The following NEK8 variants were observed in gnomAD, a reference collection of about 807,000 sequenced individuals.
NEK8 encodes the protein serine/threonine-protein kinase Nek8.
A neutral mutation model predicts 77.2 loss-of-function variants in NEK8; 51 were observed. The ratio of observed to expected loss-of-function variants is 0.66; its 90% confidence interval spans 0.53 to 0.83. The LOEUF (loss-of-function observed/expected upper bound fraction) is 0.83, where lower values mean the gene tolerates loss of function less well. Among genes scored for constraint, NEK8 ranks in the 40% least tolerant of loss-of-function variants. The pLI, the probability that NEK8 is intolerant of heterozygous loss-of-function variation, is 0.00. For synonymous variants in NEK8, 365 were observed against 363.2 expected (o/e 1.00, Z -0.06); for missense variants, 787 against 909.2 (o/e 0.87, Z 1.73).
At chr17:28,738,301 C>T (rs1230992688) in intron 8 of NEK8, 56 bp downstream of exon 8, 9 of 1,600,102 alleles carry the variant, frequency 5.6e-6, no homozygotes, top group Non-Finnish European at 7.7e-6. Flanking sequence ...AGAGCACCTT[C>T]TCTCTTCTCT....
intron 8 of NEK8, 138 bp downstream of exon 8, chr17:28,738,383 G>A: frequency 8.8e-7 from 1 of 1,134,246 alleles, no homozygotes; most frequent in Non-Finnish European, 1.3e-6. Context: ...AGTAACTATT[G>A]AGGAGATTTC....
chr17:28,733,815 G>A (rs1395983800), intron 1 of NEK8, among the ~76,000 whole-genome samples, 168 bp from the exon 2 acceptor site: 2 of 152,242 alleles, frequency 1.3e-5, no homozygotes, highest in African/African-American at 4.8e-5. Context: ...CACACAGCTT[G>A]TAATCAGTTC....
intron 1 of NEK8, among the ~76,000 whole-genome samples, chr17:28,730,466 G>T (rs2034296205): frequency 6.6e-6 from 1 of 152,038 alleles, no homozygotes; most frequent in African/African-American, 2.4e-5. Context: ...TAGAGACAGG[G>T]TTTCACCATG....
At position 28,742,204 on chromosome 17, in the gene NEK8, T is replaced by G. The variant is rs902731432; in HGVS notation, c.*217T>G. The G allele has an allele frequency of 1.5e-6, 1 of 649,182 alleles. No homozygotes were observed. The highest frequency in any genetic ancestry group is 2.8e-6 in the Non-Finnish European group (1 of 356,120). The allele number at this position is 649,182 out of a possible 1,614,324, so 40.2% of individuals were successfully genotyped here. ...CCTCTTTGCCCTTCCTACCCCTTCC[T>G]CCCTTCAGTCAGTGTCCCCAGGGTC... On this transcript the variant is annotated 3_prime_UTR_variant, in exon 15 of 15. Coordinates refer to ENST00000268766, the MANE Select transcript of NEK8 (RefSeq NM_178170.3).
chr17:28,741,759 C>T lies in NEK8; in HGVS notation c.2050+188C>T, dbSNP rs1259127212. ...TGGCCAAGGCTGGTGCTTCTTGGGCCTCATGGAAGGGCTGCCTCCACTGCT... is the reference window on the plus strand; with the variant it reads ...TGGCCAAGGCTGGTGCTTCTTGGGCTTCATGGAAGGGCTGCCTCCACTGCT... On this transcript the variant is annotated intron_variant, in intron 14 of 14. Coordinates refer to ENST00000268766, the MANE Select transcript of NEK8 (RefSeq NM_178170.3). The surrounding 1 kb of genome is among the most constrained non-coding windows in gnomAD (Gnocchi z 4.5). Among the ~76,000 whole-genome samples the T allele has an allele frequency of 6.6e-6, 1 of 152,176 alleles. No individual in the cohort carries two copies. Among genetic ancestry groups the T allele is most frequent in the East Asian group, 1.9e-4 (1 of 5,194 alleles).
chr17:28,731,908 A>ATTT lies in NEK8; in HGVS notation c.48-2037_48-2035dup, dbSNP rs71135844. On this transcript the variant is annotated intron_variant, in intron 1 of 14. Transcript: ENST00000268766. ...GCGTGAGCCACCGCGCCTGGCCCCAATTTTTTTTTTTTTTTTTTTTTTTTT... is the reference window on the plus strand; with the variant it reads ...GCGTGAGCCACCGCGCCTGGCCCCAATTTTTTTTTTTTTTTTTTTTTTTTTTTT... Among the ~76,000 whole-genome samples the ATTT allele has an allele frequency of 3.7e-3, 197 of 52,544 alleles. 23 individuals carry two copies. Among genetic ancestry groups the ATTT allele is most frequent in the African/African-American group, 4.3e-3 (54 of 12,680 alleles). The allele number at this position is 52,544 out of a possible 152,430, so 34.5% of individuals were successfully genotyped here. A position where few individuals can be genotyped will look rare whatever the true frequency, so the allele number is the denominator to read the frequency against.
chr17:28,735,680 AG>A (rs1470594098), intron 4 of NEK8, among the ~76,000 whole-genome samples: 2 of 152,032 alleles, frequency 1.3e-5, no homozygotes, highest in Non-Finnish European at 1.5e-5. Context: ...CTATCAGACT[AG>A]GGATCACTGA....
intron 1 of NEK8, chr17:28,732,961 T>G (rs1239354097): frequency 6.6e-6 from 1 of 151,948 alleles, no homozygotes; most frequent in Non-Finnish European, 1.5e-5. Flanking sequence ...GTATCTTCAA[T>G]GTCCTAGGCT....
Position 28,741,963 on chromosome 17 carries a change from C to T in NEK8, c.2055C>T (p.Val685=). Residue 685 remains valine (V), a synonymous_variant, in exon 15 of 15, where the codon GTC becomes GTT. Transcript: ENST00000268766. This position sits in a 1 kb window ranked among gnomAD's most constrained non-coding sequence, Gnocchi z 4.5. ...HGNTLLAVRS[V]TDEPVPP is the part of the protein sequence containing the mutation. The stretch of plus-strand genomic sequence containing the variant: ...TTTCTCTTCGGTACCCTCCAGCGGT[C>T]ACAGATGAGCCGGTCCCCCCCTGAG... 1.2e-6 allele frequency: 2 copies of T among 1,614,070 alleles called. No homozygotes were observed. The highest frequency in any genetic ancestry group is 1.3e-5 in the African/African-American group (1 of 75,018).
At chr17:28,733,569 A>C (rs890193824) in intron 1 of NEK8, among the ~76,000 whole-genome samples, 1 of 152,220 alleles carries the variant, frequency 6.6e-6, no homozygotes, top group East Asian at 1.9e-4. Flanking sequence ...GCTTCTATTC[A>C]TTGAGCGTTT....
rs576264134 is a variant in NEK8, at chr17:28,734,529, A to T, written c.254-243A>T. ...TCTCTACTAAAAATACAAAAAAAAAAAAAAATTAGCCGGGTGTGGTGGCAG... is the reference window on the plus strand; with the variant it reads ...TCTCTACTAAAAATACAAAAAAAAATAAAAATTAGCCGGGTGTGGTGGCAG... On this transcript the variant is annotated intron_variant, in intron 2 of 14. Transcript: ENST00000268766. 1.1e-4 allele frequency: 60 copies of T among 567,638 alleles called. 2 individuals are homozygous for T. The highest frequency in any genetic ancestry group is 9.0e-4 in the South Asian group (43 of 47,774). 35.2% of individuals were successfully genotyped at this position (567,638 alleles called of 1,614,324 possible). A position where few individuals can be genotyped will look rare whatever the true frequency, so the allele number is the denominator to read the frequency against.
Position 28,739,211 on chromosome 17 carries a change from A to G in NEK8, c.1417+10A>G, listed in dbSNP as rs755266590. 2 of 1,582,884 alleles carry G rather than the reference A, an allele frequency of 1.3e-6. No individual in the cohort carries two copies. The highest frequency in any genetic ancestry group is 1.7e-5 in the Admixed American group (1 of 59,964). On this transcript the variant is annotated intron_variant, in intron 10 of 14. Coordinates refer to ENST00000268766, the MANE Select transcript of NEK8 (RefSeq NM_178170.3). ...GGCCGTGGAGACAGCGGTAAGCTCCAGCCTTTAGGCCCCATCTCACAGCAT... is the reference window on the plus strand; with the variant it reads ...GGCCGTGGAGACAGCGGTAAGCTCCGGCCTTTAGGCCCCATCTCACAGCAT...
chr17:28,738,195 T>C lies in NEK8; in HGVS notation c.1172T>C (p.Val391Ala). The change falls in exon 8 of 15, where the codon GTG (valine) becomes GCG (alanine). Residue 391 changes from valine to alanine, a missense_variant. Physicochemically the swap from Val to Ala is moderately conservative, Grantham distance 64. Transcript: ENST00000268766. ...CGTTTCCTGGAGGGCCAGTCGGGTG[T>C]GACCATCAAGCACGTGGCCTGTGGG... Reference protein sequence around the residue: ...ISRFLEGQSGVTIKHVACGDF... With the variant: ...ISRFLEGQSGATIKHVACGDF... The C allele has an allele frequency of 6.2e-7, 1 of 1,614,148 alleles. No individual in the cohort carries two copies. The highest frequency in any genetic ancestry group is 8.5e-7 in the Non-Finnish European group (1 of 1,180,016).
At chr17:28,729,463 G>C (rs1471482956) in intron 1 of NEK8, among the ~76,000 whole-genome samples, 1 of 151,652 alleles carries the variant, frequency 6.6e-6, no homozygotes, top group East Asian at 1.9e-4. Context: ...TCAAGCAATC[G>C]TTGTGCCTCA....
Position 28,741,136 on chromosome 17 carries a change from T to C in NEK8, c.1791T>C (p.Thr597=), listed in dbSNP as rs778468404. Residue 597 remains threonine (T), a synonymous_variant, in exon 13 of 15, where the codon ACT becomes ACC. Coordinates refer to ENST00000268766, the MANE Select transcript of NEK8 (RefSeq NM_178170.3). The surrounding 1 kb of genome is among the most constrained non-coding windows in gnomAD (Gnocchi z 4.5). ...AGCACGGACAGTTGGGCACCAATAC[T>C]CGCCGAGGCAGTCGGGCACCCTGTA... ...SNQHGQLGTN[T]RRGSRAPCKV... is the part of the protein sequence containing the mutation. 6.2e-7 allele frequency: 1 copy of C among 1,614,048 alleles called. No individual in the cohort carries two copies. The highest frequency in any genetic ancestry group is 1.1e-5 in the South Asian group (1 of 91,076).
intron 4 of NEK8, among the ~76,000 whole-genome samples, chr17:28,736,871 C>G: frequency 6.6e-6 from 1 of 152,188 alleles, no homozygotes; most frequent in Admixed American, 6.5e-5. Context: ...ATGGTATTGC[C>G]TAGGTATTCT....
intron 10 of NEK8, 150 bp downstream of exon 10, chr17:28,739,351 G>A (rs761053728): frequency 3.4e-5 from 25 of 738,336 alleles, no homozygotes; most frequent in East Asian, 9.9e-5. Context: ...ATTTTACACC[G>A]ACTATGTGCA....
In NEK8 at chr17:28,734,204, T is replaced by C; in HGVS notation, c.253+16T>C. On this transcript the variant is annotated intron_variant, in intron 2 of 14. Transcript: ENST00000268766. Reference sequence around the variant, plus strand: ...TATGCACCAGGTGGGCCAGCCTCCTTACAGTGGCCTGGCTGGAGGGCCTCT... The same window carrying C: ...TATGCACCAGGTGGGCCAGCCTCCTCACAGTGGCCTGGCTGGAGGGCCTCT... 1 of 1,609,832 alleles carries C rather than the reference T, an allele frequency of 6.2e-7. No individual in the cohort carries two copies. The highest frequency in any genetic ancestry group is 1.1e-5 in the South Asian group (1 of 90,996).
In NEK8 at chr17:28,737,574, C is replaced by T. The variant is rs770229340; in HGVS notation, c.827+60C>T. On this transcript the variant is annotated intron_variant, in intron 5 of 14. Transcript: ENST00000268766. This position sits in a 1 kb window ranked among gnomAD's most constrained non-coding sequence, Gnocchi z 4.8. ...AGGGTGTGGGCACCCAGTGGGAGCA[C>T]AGGAGGTCTGAGGCAGAGGGAAACC... is the stretch of plus-strand genomic sequence containing the variant. 6.2e-7 allele frequency: 1 copy of T among 1,613,186 alleles called. No homozygotes were observed.
Sources: allele counts gnomAD v4.1 joint callset (sites outside exome capture counted in the v4.1 genomes callset), GRCh38; gene constraint gnomAD v4.1.1; non-coding constraint Gnocchi (gnomAD v3.1); transcripts MANE v1.5; gene names NCBI Gene and HGNC (gene_info 2026-07-23, HGNC 2026-07-21).